Variants in C6orf89 observed in about 807,000 individuals in gnomAD.
C6orf89 encodes chromosome 6 open reading frame 89.
In C6orf89, 29 loss-of-function variants were observed where a neutral mutation model predicts 40.7. That is an observed-to-expected ratio of 0.71 (90% CI 0.53 to 0.97). C6orf89 has a LOEUF of 0.97. Ranked by LOEUF, C6orf89 falls within the 50% of genes least tolerant of loss-of-function variation. The pLI is 0.00. For synonymous variants in C6orf89, 165 were observed against 152.2 expected (o/e 1.08, Z -0.62); for missense variants, 392 against 429.1 (o/e 0.91, Z 0.76).
chr6:36,919,833 C>CAGTT, intron 8 of C6orf89, 132 bp downstream of exon 8: 1 of 927,582 alleles, frequency 1.1e-6, no homozygotes, highest in Non-Finnish European at 1.5e-6. Flanking sequence ...CTCCTGTTAA[C>CAGTT]AGGCTCAATA....
intron 4 of C6orf89, 45 bp from the exon 5 acceptor site, chr6:36,914,239 A>C (rs770355685): frequency 1.9e-6 from 3 of 1,547,996 alleles, no homozygotes; most frequent in Non-Finnish European, 2.6e-6. Context: ...TGTACCAGCT[A>C]TGCTCTTTCA....
chr6:36,906,744 G>C (rs993892638), intron 4 of C6orf89, among the ~76,000 whole-genome samples: 1 of 152,100 alleles, frequency 6.6e-6, no homozygotes, highest in South Asian at 2.1e-4. Context: ...CATTGTCAAG[G>C]CTTCACCCCT....
rs1761751565 is a variant in C6orf89, at chr6:36,902,230, A to G, written c.199A>G (p.Thr67Ala). Residue 67 changes from threonine to alanine, a missense_variant, in exon 4 of 9, where the codon ACC becomes GCC. By Grantham distance (58) the Thr-to-Ala change is moderately conservative (BLOSUM62 0). Transcript: ENST00000480824. ...CTATCTTTCCTTGTAGGTTCTCGCA[A>G]CCTTGGGATTAATCTTGCTCACTGC... ...LLIVVYKVLA[T>A]LGLILLTAYF... The G allele has an allele frequency of 6.2e-7, 1 of 1,614,126 alleles. No homozygotes were observed.
At chr6:36,891,134 TC>T (rs1173275738) in intron 1 of C6orf89, among the ~76,000 whole-genome samples, 1 of 152,120 alleles carries the variant, frequency 6.6e-6, no homozygotes, top group East Asian at 1.9e-4. Flanking sequence ...CCTAATGCTA[TC>T]CCTCCCCACT....
At chr6:36,878,635 G>A (rs9462235) in intron 1 of C6orf89, among the ~76,000 whole-genome samples, 29,480 of 152,104 alleles carry the variant, frequency 0.19, 3,076 homozygotes, top group East Asian at 0.28. Flanking sequence ...TTGAGTCCTT[G>A]TGGATGAACT....
chr6:36,895,566 T>C (rs1175801854), intron 2 of C6orf89, among the ~76,000 whole-genome samples: 2 of 152,246 alleles, frequency 1.3e-5, no homozygotes, highest in Non-Finnish European at 2.9e-5. Context: ...GATGTGTCTA[T>C]TCCTGACTTC....
Position 36,899,603 on chromosome 6 carries a change from G to A in C6orf89, c.159G>A (p.Pro53=), listed in dbSNP as rs745620526. 33 of 1,613,806 alleles carry A rather than the reference G, an allele frequency of 2.0e-5. No homozygotes were observed. Among genetic ancestry groups the A allele is most frequent in the Admixed American group, 5.0e-5 (3 of 59,990 alleles). Residue 53 remains proline (P), a synonymous_variant, in exon 3 of 9, where the codon CCG becomes CCA. Coordinates refer to ENST00000480824, the MANE Select transcript of C6orf89 (RefSeq NM_001286635.2). ...LEKNEPQRPP[P]QYPLLIVVYK... ...AGAATGAACCTCAGAGACCCCCCCC[G>A]CAGTATCCTCTCCTTATAGTTGTGT...
At chr6:36,913,756 G>A (rs1583192384) in intron 4 of C6orf89, among the ~76,000 whole-genome samples, 1 of 152,064 alleles carries the variant, frequency 6.6e-6, no homozygotes, top group East Asian at 2.0e-4. Context: ...AAGGTATACA[G>A]AGAAGAGTAC....
At chr6:36,879,866 C>T (rs1342218334) in intron 2 of C6orf89, among the ~76,000 whole-genome samples, 1 of 152,110 alleles carries the variant, frequency 6.6e-6, no homozygotes, top group Non-Finnish European at 1.5e-5. Context: ...AGGGTTTATG[C>T]CATAGTTAGC....
intron 1 of C6orf89, among the ~76,000 whole-genome samples, chr6:36,875,434 A>G (rs1446151391): frequency 6.6e-6 from 1 of 152,248 alleles, no homozygotes; most frequent in Admixed American, 6.5e-5. Flanking sequence ...CAGGAAGAAA[A>G]TAGGAGATAA....
At chr6:36,879,592 C>CA (rs931334067) in intron 2 of C6orf89, among the ~76,000 whole-genome samples, 1 of 151,514 alleles carries the variant, frequency 6.6e-6, no homozygotes, top group African/African-American at 2.4e-5. Context: ...TTGATTAATG[C>CA]AAAAAAAATT....
chr6:36,895,400 T>C (rs1321987013), intron 2 of C6orf89, among the ~76,000 whole-genome samples: 1 of 152,176 alleles, frequency 6.6e-6, no homozygotes, highest in Non-Finnish European at 1.5e-5. Flanking sequence ...TAATCAAAAA[T>C]GGCTTAGTGA....
At chr6:36,905,668 C>G (rs141994096) in intron 4 of C6orf89, among the ~76,000 whole-genome samples, 39 of 152,330 alleles carry the variant, frequency 2.6e-4, no homozygotes, top group African/African-American at 9.4e-4. Context: ...TTTCTCTTTA[C>G]ATTCACATTC....
At position 36,926,549 on chromosome 6, in the gene C6orf89, GAAAA is replaced by G. The variant is rs569347160; in HGVS notation, c.*3116_*3119del. On this transcript the variant is annotated 3_prime_UTR_variant, in exon 9 of 9. Coordinates refer to ENST00000480824, the MANE Select transcript of C6orf89 (RefSeq NM_001286635.2). ...CTCTGTCAAAGGAAAGGAAAGAAAAGAAAAAAAAAAAGAGAGAGAGAAAAGAAGA... is the reference window on the plus strand; with the variant it reads ...CTCTGTCAAAGGAAAGGAAAGAAAAGAAAAAAAGAGAGAGAGAAAAGAAGA... The G allele has an allele frequency of 4.2e-5, 3 of 72,020 alleles. No homozygotes were observed. The East Asian group carries it at 1.4e-3, about 35-fold the overall frequency. The allele number at this position is 72,020 out of a possible 1,614,324, so 4.5% of individuals were successfully genotyped here. A position where few individuals can be genotyped will look rare whatever the true frequency, so the allele number is the denominator to read the frequency against.
chr6:36,905,610 A>G (rs1251665044), intron 4 of C6orf89, among the ~76,000 whole-genome samples: 1 of 152,122 alleles, frequency 6.6e-6, no homozygotes, highest in Admixed American at 6.6e-5. Flanking sequence ...CTGCACCCTT[A>G]TGGATAATAT....
In C6orf89 at chr6:36,927,300, G is replaced by T. The variant is rs1255782228; in HGVS notation, c.*3859G>T. ...TCACATTTCTTAGCTGCAGGTGATG[G>T]CCTCAGTCATTTTAATACAGCCTGG... On this transcript the variant is annotated 3_prime_UTR_variant, in exon 9 of 9. Transcript: ENST00000480824. The T allele has an allele frequency of 6.6e-6, 1 of 152,182 alleles. No individual in the cohort carries two copies. The highest frequency in any genetic ancestry group is 2.4e-5 in the African/African-American group (1 of 41,418). 9.4% of individuals were successfully genotyped at this position (152,182 alleles called of 1,614,324 possible).
chr6:36,874,942 G>GGGT, intron 1 of C6orf89: 1 of 680,710 alleles, frequency 1.5e-6, no homozygotes. Flanking sequence ...CGGGAAGCTG[G>GGGT]GGTGGGAGAC....
In C6orf89 at chr6:36,894,571, C is replaced by A; in HGVS notation, c.-52C>A. 1 of 985,326 alleles carries A rather than the reference C, an allele frequency of 1.0e-6. No homozygotes were observed. Among genetic ancestry groups the A allele is most frequent in the South Asian group, 4.7e-5 (1 of 21,282 alleles). The allele number at this position is 985,326 out of a possible 1,614,324, so 61.0% of individuals were successfully genotyped here. ...TTGTGATCAAGGGACACGTGGTTTC[C>A]GAACTGCCAGCTCAGAATAGGAAAA... On this transcript the variant is annotated 5_prime_UTR_variant, in exon 2 of 9. Transcript: ENST00000480824.
Position 36,886,033 on chromosome 6 carries a change from GTGAC to G in C6orf89, c.-120+8_-120+11del. On this transcript the variant is annotated splice_donor_region_variant and intron_variant, in intron 1 of 8. Coordinates refer to ENST00000480824, the MANE Select transcript of C6orf89 (RefSeq NM_001286635.2). ...CGAGGGGCGCGAGCCCCGCATGTGA[GTGAC>G]TGGGGCCCGAGGCTGGGTGGGGGGA... The G allele has an allele frequency of 8.0e-7, 1 of 1,257,210 alleles. No individual in the cohort carries two copies. The highest frequency in any genetic ancestry group is 1.0e-6 in the Non-Finnish European group (1 of 997,938). The allele number at this position is 1,257,210 out of a possible 1,614,324, so 77.9% of individuals were successfully genotyped here. A position where few individuals can be genotyped will look rare whatever the true frequency, so the allele number is the denominator to read the frequency against.
Sources: allele counts gnomAD v4.1 joint callset (sites outside exome capture counted in the v4.1 genomes callset), GRCh38; gene constraint gnomAD v4.1.1; transcripts MANE v1.5; gene names NCBI Gene and HGNC (gene_info 2026-07-23, HGNC 2026-07-21).